Variants in C11orf65 observed in about 807,000 individuals in gnomAD.
C11orf65 encodes the protein protein MFI.
A neutral mutation model predicts 35.3 loss-of-function variants in C11orf65; 38 were observed. That is an observed-to-expected ratio of 1.08 (90% CI 0.83 to 1.41). The LOEUF is 1.41. Ranked by LOEUF, C11orf65 falls within the 40% of genes most tolerant of loss-of-function variation. The probability of loss-of-function intolerance (pLI) is 0.00; values close to 1 mark genes in which losing one functional copy is unlikely to be tolerated. For synonymous variants in C11orf65, 105 were observed against 114.4 expected (o/e 0.92, Z 0.53); for missense variants, 370 against 367.1 (o/e 1.01, Z -0.06).
chr11:108,326,007 A>G lies in C11orf65; in HGVS notation c.641-16936T>C, dbSNP rs1349317901. On this transcript the variant is annotated intron_variant, in intron 6 of 6. Coordinates refer to the C11orf65 transcript ENST00000525729. ...TTTCATTATTATTATTATTCATGGTAGTAGTATCAGTAGTAAAAGTATTTA... is the reference window on the plus strand; with the variant it reads ...TTTCATTATTATTATTATTCATGGTGGTAGTATCAGTAGTAAAAGTATTTA... 12 of 1,576,180 alleles carry G rather than the reference A, an allele frequency of 7.6e-6. 1 individual carries two copies. Among genetic ancestry groups the G allele is most frequent in the Non-Finnish European group, 1.0e-5 (12 of 1,147,364 alleles).
At chr11:108,420,704 G>A (rs1468636029) in intron 3 of C11orf65, among the ~76,000 whole-genome samples, 1 of 152,114 alleles carries the variant, frequency 6.6e-6, no homozygotes, top group Non-Finnish European at 1.5e-5. Context: ...GTATTGTCAT[G>A]ATACCAGTTT....
rs144272152 is a variant in C11orf65, at chr11:108,410,190, C to T, written c.175-3041G>A. Among the ~76,000 whole-genome samples, 455 of 152,196 alleles carry T rather than the reference C, an allele frequency of 3.0e-3. 1 individual carries two copies. Among genetic ancestry groups the T allele is most frequent in the Non-Finnish European group, 4.9e-3 (335 of 68,002 alleles). On this transcript the variant is annotated intron_variant, in intron 3 of 8. Coordinates refer to ENST00000393084, the MANE Select transcript of C11orf65 (RefSeq NM_152587.5). ...AGCAATATATGAGTTCTGGTTGCTC[C>T]GTCTCTTTATCAACATTTGGTACTG...
rs549288563 is a variant in C11orf65, at chr11:108,417,373, T to C, written c.175-10224A>G. ...GCCTGGGCAACATGGCAAAATACCA[T>C]CTCTACTAAAAATACAAAAAATTAG... On this transcript the variant is annotated intron_variant, in intron 3 of 8. Coordinates refer to ENST00000393084, the MANE Select transcript of C11orf65 (RefSeq NM_152587.5). 7.9e-5 allele frequency among the ~76,000 whole-genome samples: 12 copies of C among 151,988 alleles called. No homozygotes were observed. In the South Asian group the frequency reaches 2.3e-3, roughly 29 times the overall value.
intron 2 of C11orf65, among the ~76,000 whole-genome samples, chr11:108,446,940 C>T (rs1160197899): frequency 6.6e-6 from 1 of 152,094 alleles, no homozygotes; most frequent in African/African-American, 2.4e-5. Context: ...GGAGGAAGAT[C>T]TGCCAAGCAA....
rs786203059 is a variant in C11orf65 at position 108,331,559 on chromosome 11, T to C, written c.309A>G (p.Leu103=). ...GGATTTCATGAAGTCCTCAATAATG[T>C]AAGTAAACCTGAAAATCAAACCACA... Residue 103 remains leucine (L), a synonymous_variant, in exon 4 of 4, where the codon TTA becomes TTG. Transcript: ENST00000524755. 1.0e-5 allele frequency: 16 copies of C among 1,606,236 alleles called. No homozygotes were observed. The highest frequency in any genetic ancestry group is 1.4e-5 in the Non-Finnish European group (16 of 1,177,018).
At chr11:108,314,319 C>T (rs1006945522) in intron 6 of C11orf65, among the ~76,000 whole-genome samples, 1 of 151,952 alleles carries the variant, frequency 6.6e-6, no homozygotes, top group Admixed American at 6.6e-5. Flanking sequence ...TTGCCCAGGC[C>T]GATCTTGAAT....
intron 2 of C11orf65, among the ~76,000 whole-genome samples, chr11:108,457,743 C>T (rs1591611721): frequency 6.6e-6 from 1 of 152,052 alleles, no homozygotes; most frequent in South Asian, 2.1e-4. Flanking sequence ...TTCTATATTA[C>T]TTATTAAAGA....
intron 2 of C11orf65, among the ~76,000 whole-genome samples, chr11:108,344,334 C>T (rs2088006891): frequency 6.6e-6 from 1 of 151,986 alleles, no homozygotes; most frequent in Admixed American, 6.6e-5. Context: ...GTTGTTTTTC[C>T]AGGCAGAAGG....
At chr11:108,356,902 A>G (rs1417416983) in intron 2 of C11orf65, among the ~76,000 whole-genome samples, 1 of 152,204 alleles carries the variant, frequency 6.6e-6, no homozygotes, top group African/African-American at 2.4e-5. Context: ...CTCCACCTAC[A>G]ATAACTGTCA....
rs150757822 is a variant in C11orf65 at position 108,312,467 on chromosome 11, A to G, written c.641-3396T>C. ...ACAACTATTTCTAGCTTGAGTGAAA[A>G]AAGTAAAGAAGAAACTGGAATAAGT... On this transcript the variant is annotated intron_variant, in intron 6 of 6. Transcript: ENST00000525729. 1.3e-6 allele frequency: 2 copies of G among 1,590,628 alleles called. No individual in the cohort carries two copies. Among genetic ancestry groups the G allele is most frequent in the Admixed American group, 3.3e-5 (2 of 59,976 alleles).
Position 108,461,577 on chromosome 11 carries a change from A to C in C11orf65, c.-9-9T>G, listed in dbSNP as rs371118388. 3 of 1,468,540 alleles carry C rather than the reference A, an allele frequency of 2.0e-6. No homozygotes were observed. Among genetic ancestry groups the C allele is most frequent in the African/African-American group, 2.8e-5 (2 of 71,438 alleles). The allele number at this position is 1,468,540 out of a possible 1,614,324, so 91.0% of individuals were successfully genotyped here. On this transcript the variant is annotated splice_polypyrimidine_tract_variant and intron_variant, in intron 1 of 8. Transcript: ENST00000393084. ...CAAGGCATTTGAAATTCCTAAAAGA[A>C]AATGAGCAAAAAGGGTACATTTAAA... is the stretch of plus-strand genomic sequence containing the variant.
At chr11:108,453,744 G>A (rs2093380137) in intron 2 of C11orf65, among the ~76,000 whole-genome samples, 1 of 152,138 alleles carries the variant, frequency 6.6e-6, no homozygotes, top group African/African-American at 2.4e-5. Context: ...GAACCACCTT[G>A]CACACAAAGG....
At position 108,422,711 on chromosome 11, in the gene C11orf65, G is replaced by A. The variant is rs572668441; in HGVS notation, c.174+9035C>T. Among the ~76,000 whole-genome samples the A allele has an allele frequency of 3.9e-5, 6 of 152,066 alleles. No homozygotes were observed. In the South Asian group the frequency reaches 6.2e-4, roughly 16 times the overall value. On this transcript the variant is annotated intron_variant, in intron 3 of 8. Coordinates refer to ENST00000393084, the MANE Select transcript of C11orf65 (RefSeq NM_152587.5). ...ATCCTGGCTAACATGGTGAAACCCC[G>A]TTTCTACTAAAAATACAAAAATTAG...
intron 2 of C11orf65, among the ~76,000 whole-genome samples, chr11:108,360,884 C>T (rs1430045261): frequency 1.0e-3 from 104 of 101,872 alleles, no homozygotes; most frequent in African/African-American, 3.6e-3. Context: ...TGAAAACTGG[C>T]ACAAGACAGG....
At chr11:108,377,107 G>A (rs2091750242) in intron 2 of C11orf65, among the ~76,000 whole-genome samples, 1 of 150,950 alleles carries the variant, frequency 6.6e-6, no homozygotes, top group Non-Finnish European at 1.5e-5. Context: ...AGAAAAAGAG[G>A]GAATCCTCCC....
chr11:108,378,131 CT>C (rs1342274535), downstream of C11orf65, among the ~76,000 whole-genome samples: 1 of 152,174 alleles, frequency 6.6e-6, no homozygotes, highest in Non-Finnish European at 1.5e-5. Flanking sequence ...GAAAAAACTA[CT>C]TTAAAGTTCA....
At chr11:108,326,296 T>C (rs2136344891) in intron 6 of C11orf65, 3 of 1,546,752 alleles carry the variant, frequency 1.9e-6, no homozygotes, top group Non-Finnish European at 2.6e-6. Context: ...CTTTAAAATA[T>C]TTTTAATAAC....
Position 108,467,492 on chromosome 11 carries a change from C to G in C11orf65, c.-31G>C, listed in dbSNP as rs2093555313. 6.6e-6 allele frequency: 1 copy of G among 152,492 alleles called. No individual in the cohort carries two copies. Among genetic ancestry groups the G allele is most frequent in the African/African-American group, 2.4e-5 (1 of 41,450 alleles). 9.4% of individuals were successfully genotyped at this position (152,492 alleles called of 1,614,324 possible). ...CTACCAATCGCTGCTGGCCCGGGCG[C>G]CGCTGGACTCCTAGGTAACGTCGCA... On this transcript the variant is annotated 5_prime_UTR_variant, in exon 1 of 9. Transcript: ENST00000393084.
At chr11:108,453,497 T>C (rs2093377093) in intron 2 of C11orf65, among the ~76,000 whole-genome samples, 1 of 152,168 alleles carries the variant, frequency 6.6e-6, no homozygotes, top group Non-Finnish European at 1.5e-5. Context: ...GTATTTTGTT[T>C]ACAAGAGACA....
Sources: gnomAD v4.1 joint callset for allele counts (sites outside exome capture counted in the v4.1 genomes callset) on GRCh38, gnomAD v4.1.1 for gene constraint, MANE v1.5 for transcripts, NCBI Gene and HGNC (gene_info 2026-07-23, HGNC 2026-07-21) for gene names.